FGF12: variants seen among roughly 807,000 people sequenced by gnomAD.
The protein encoded by FGF12 is fibroblast growth factor 12B.
A neutral mutation model predicts 23.6 loss-of-function variants in FGF12; 14 were observed. The observed-to-expected ratio is 0.59, with a 90% confidence interval of 0.39 to 0.93. FGF12 has a LOEUF of 0.93. Ranked by LOEUF, FGF12 falls within the 40% of genes least tolerant of loss-of-function variation. The pLI is 0.00. For synonymous variants in FGF12, 62 were observed against 77.3 expected (o/e 0.80, Z 1.04); for missense variants, 175 against 217.8 (o/e 0.80, Z 1.24).
intron 4 of FGF12, among the ~76,000 whole-genome samples, chr3:192,172,740 C>T (rs1234227653): frequency 6.6e-6 from 1 of 150,794 alleles, no homozygotes; most frequent in Non-Finnish European, 1.5e-5. Flanking sequence ...GGCAGTGCCT[C>T]AAAAGGTTAA....
At chr3:192,614,732 G>C (rs1714683784) in intron 2 of FGF12, among the ~76,000 whole-genome samples, 1 of 151,940 alleles carries the variant, frequency 6.6e-6, no homozygotes, top group African/African-American at 2.4e-5. Flanking sequence ...AGGAAGAACA[G>C]AGAGACAGAG....
At chr3:192,707,760 A>G (rs1577133071) in intron 2 of FGF12, among the ~76,000 whole-genome samples, 1 of 151,156 alleles carries the variant, frequency 6.6e-6, no homozygotes, top group East Asian at 1.9e-4. Flanking sequence ...AAAAAAAAAA[A>G]AAGAATGAGA....
At chr3:192,475,190 A>T (rs2108815809) in intron 2 of FGF12, among the ~76,000 whole-genome samples, 1 of 152,352 alleles carries the variant, frequency 6.6e-6, no homozygotes, top group South Asian at 2.1e-4. Context: ...TATTACATTG[A>T]TCCAATTCAG....
intron 2 of FGF12, among the ~76,000 whole-genome samples, chr3:192,424,332 AT>A (rs1402498843): frequency 1.3e-5 from 2 of 152,162 alleles, no homozygotes; most frequent in African/African-American, 4.8e-5. Context: ...GCTAATGAGA[AT>A]TTTCTTCACC....
chr3:192,538,256 G>A (rs1022204317), intron 2 of FGF12, among the ~76,000 whole-genome samples: 9 of 138,998 alleles, frequency 6.5e-5, no homozygotes, highest in African/African-American at 1.0e-4. Flanking sequence ...CCTTTAATCC[G>A]TTTTTTTTCT....
chr3:192,629,056 A>G (rs1345390372), intron 2 of FGF12, among the ~76,000 whole-genome samples: 1 of 152,208 alleles, frequency 6.6e-6, no homozygotes, highest in Non-Finnish European at 1.5e-5. Context: ...ATAATGTTTA[A>G]TTTTAACTTT....
intron 2 of FGF12, among the ~76,000 whole-genome samples, chr3:192,556,381 AG>A (rs1711776704): frequency 1.3e-5 from 2 of 152,284 alleles, no homozygotes; most frequent in South Asian, 4.1e-4. Context: ...TATTTATTTA[AG>A]GCAAAATAGA....
chr3:192,436,033 C>CA (rs1190780687), intron 2 of FGF12, among the ~76,000 whole-genome samples: 9 of 152,200 alleles, frequency 5.9e-5, no homozygotes, highest in African/African-American at 2.2e-4. Flanking sequence ...AAGCAATTCT[C>CA]AAAGTTTTCT....
chr3:192,464,529 TG>T (rs1722954518), intron 2 of FGF12, among the ~76,000 whole-genome samples: 1 of 151,762 alleles, frequency 6.6e-6, no homozygotes, highest in East Asian at 1.9e-4. Flanking sequence ...TGTGTGTGTG[TG>T]TGTGTGTGTG....
At chr3:192,307,307 A>G (rs1002035367) in intron 4 of FGF12, among the ~76,000 whole-genome samples, 4 of 152,202 alleles carry the variant, frequency 2.6e-5, no homozygotes, top group Non-Finnish European at 5.9e-5. Flanking sequence ...TGCCAGATAA[A>G]AAAGGCACAA....
At chr3:192,587,392 G>GT (rs1490198386) in intron 2 of FGF12, among the ~76,000 whole-genome samples, 1 of 151,936 alleles carries the variant, frequency 6.6e-6, no homozygotes, top group African/African-American at 2.4e-5. Context: ...GGTTGTGGTG[G>GT]TAGTAGGAGG....
chr3:192,473,050 A>G (rs992801435), intron 2 of FGF12, among the ~76,000 whole-genome samples: 8 of 152,114 alleles, frequency 5.3e-5, no homozygotes, highest in Non-Finnish European at 8.8e-5. Flanking sequence ...AAAAACTTCT[A>G]CAATTGACAT....
chr3:192,170,507 T>G lies in FGF12; in HGVS notation c.378A>C (p.Arg126Ser). 1 of 1,614,054 alleles carries G rather than the reference T, an allele frequency of 6.2e-7. No individual in the cohort carries two copies. The highest frequency in any genetic ancestry group is 8.5e-7 in the Non-Finnish European group (1 of 1,180,000). The change falls in exon 5 of 6, where the codon AGA becomes AGC. Residue 126 changes from arginine to serine, a missense_variant. Coordinates refer to ENST00000445105, the MANE Select transcript of FGF12 (RefSeq NM_004113.6). The stretch of plus-strand genomic sequence containing the variant: ...GTGATGAGGGCTTGGTTTTCTTCAC[T>G]CTGTTCCCCTTCATAATTTGACCTT... ...NKEGQIMKGNRVKKTKPSSHF... is the reference protein window; with the variant it reads ...NKEGQIMKGNSVKKTKPSSHF...
At chr3:192,167,772 A>ATATTTTTTTTTTT (rs1715302128) in intron 5 of FGF12, among the ~76,000 whole-genome samples, 2 of 15,404 alleles carry the variant, frequency 1.3e-4, no homozygotes, top group African/African-American at 2.2e-4. Flanking sequence ...TATATATAAA[A>ATATTTTTTTTTTT]TTTTTTTTTT....
At chr3:192,439,193 T>C (rs1190939194) in intron 2 of FGF12, among the ~76,000 whole-genome samples, 1 of 152,210 alleles carries the variant, frequency 6.6e-6, no homozygotes, top group Non-Finnish European at 1.5e-5. Flanking sequence ...TAACTTTGTT[T>C]ACTACAATGG....
intron 4 of FGF12, among the ~76,000 whole-genome samples, chr3:192,275,196 G>C (rs1271451368): frequency 2.0e-5 from 3 of 151,296 alleles, no homozygotes; most frequent in African/African-American, 7.3e-5. Flanking sequence ...CCAAGATGGA[G>C]TCACTCATGC....
chr3:192,367,852 G>A (rs1461039317), intron 2 of FGF12, among the ~76,000 whole-genome samples: 1 of 152,088 alleles, frequency 6.6e-6, no homozygotes, highest in African/African-American at 2.4e-5. Flanking sequence ...CTCCCCATTG[G>A]TCAAATGAAG....
At chr3:192,517,756 G>A (rs1173825555) in intron 2 of FGF12, among the ~76,000 whole-genome samples, 1 of 152,162 alleles carries the variant, frequency 6.6e-6, no homozygotes, top group Non-Finnish European at 1.5e-5. Context: ...GACTTGATCA[G>A]TAGAATTGTA....
At chr3:192,533,020 T>G (rs1725131437) in intron 2 of FGF12, among the ~76,000 whole-genome samples, 1 of 152,190 alleles carries the variant, frequency 6.6e-6, no homozygotes, top group Admixed American at 6.5e-5. Flanking sequence ...TCAAAAGGCA[T>G]TTCATCTGAC....
Sources: allele counts gnomAD v4.1 joint callset (sites outside exome capture counted in the v4.1 genomes callset), GRCh38; gene constraint gnomAD v4.1.1; transcripts MANE v1.5; gene names NCBI Gene and HGNC (gene_info 2026-07-23, HGNC 2026-07-21).